Variants in CPNE8 observed in about 807,000 individuals in gnomAD.
CPNE8 encodes copine 8, also known as copine-8.
Under a neutral mutation model 81.5 loss-of-function variants are expected in CPNE8, and 45 were observed. The observed-to-expected ratio is 0.55, with a 90% CI of 0.44 to 0.71. The LOEUF is 0.71. Among genes scored for constraint, CPNE8 ranks in the 30% least tolerant of loss-of-function variants. CPNE8 has a pLI of 0.00. For missense variants in CPNE8, 594 were observed against 672.1 expected (o/e 0.88, Z 1.28); for synonymous variants, 252 against 226.3 (o/e 1.11, Z -1.02).
At chr12:38,675,310 C>A (rs1162913053) in intron 18 of CPNE8, among the ~76,000 whole-genome samples, 1 of 152,114 alleles carries the variant, frequency 6.6e-6, no homozygotes, top group African/African-American at 2.4e-5. Flanking sequence ...CTTTTCACAA[C>A]CTAATGATTT....
intron 6 of CPNE8, among the ~76,000 whole-genome samples, chr12:38,787,292 C>T (rs1399761501): frequency 2.0e-5 from 3 of 151,414 alleles, no homozygotes; most frequent in Non-Finnish European, 3.0e-5. Context: ...TAGATATCAA[C>T]CACAAGGGGA....
intron 4 of CPNE8, 112 bp downstream of exon 4, chr12:38,848,447 G>C (rs1415015053): frequency 7.1e-7 from 1 of 1,402,870 alleles, no homozygotes; most frequent in East Asian, 2.8e-5. Context: ...AATTAATCTG[G>C]TTTCCTGCCA....
intron 1 of CPNE8, among the ~76,000 whole-genome samples, chr12:38,879,060 A>G (rs1274254658): frequency 6.6e-6 from 1 of 152,224 alleles, no homozygotes; most frequent in Non-Finnish European, 1.5e-5. Context: ...ATAATCATAT[A>G]TATAATTTAA....
chr12:38,721,826 G>T (rs896953524), intron 13 of CPNE8, among the ~76,000 whole-genome samples: 1 of 152,218 alleles, frequency 6.6e-6, no homozygotes, highest in Non-Finnish European at 1.5e-5. Flanking sequence ...CAGGGAAGCT[G>T]CTTGTGGTGC....
intron 13 of CPNE8, among the ~76,000 whole-genome samples, chr12:38,705,032 G>A (rs1463199466): frequency 1.4e-5 from 2 of 148,134 alleles, no homozygotes; most frequent in African/African-American, 2.5e-5. Flanking sequence ...TCCTTACCAG[G>A]GAAAATATAA....
intron 10 of CPNE8, among the ~76,000 whole-genome samples, chr12:38,731,821 G>A (rs1220524775): frequency 2.6e-5 from 4 of 151,840 alleles, no homozygotes; most frequent in Admixed American, 6.6e-5. Flanking sequence ...TATGAAATCC[G>A]GTAACATTGG....
At chr12:38,747,136 AG>A (rs1941244036) in intron 10 of CPNE8, among the ~76,000 whole-genome samples, 1 of 152,254 alleles carries the variant, frequency 6.6e-6, no homozygotes, top group South Asian at 2.1e-4. Flanking sequence ...ATCCTGATTC[AG>A]TAATAAAACA....
At chr12:38,853,187 C>A (rs2137065904) in intron 3 of CPNE8, among the ~76,000 whole-genome samples, 1 of 152,232 alleles carries the variant, frequency 6.6e-6, no homozygotes, top group Admixed American at 6.5e-5. Context: ...AAATTTACAT[C>A]TTAGCTAATG....
intron 10 of CPNE8, among the ~76,000 whole-genome samples, chr12:38,760,506 C>T (rs1205403683): frequency 6.8e-6 from 1 of 147,904 alleles, no homozygotes; most frequent in Non-Finnish European, 1.5e-5. Flanking sequence ...CTTGTGTTCC[C>T]TTGAAAAGTA....
chr12:38,669,186 A>C (rs1255252488), intron 19 of CPNE8, among the ~76,000 whole-genome samples: 1 of 152,202 alleles, frequency 6.6e-6, no homozygotes, highest in Non-Finnish European at 1.5e-5. Flanking sequence ...TGTATCAAGT[A>C]CTTTAGGTTG....
At chr12:38,830,230 C>T (rs1030169168) in intron 5 of CPNE8, among the ~76,000 whole-genome samples, 1 of 152,042 alleles carries the variant, frequency 6.6e-6, no homozygotes, top group African/African-American at 2.4e-5. Context: ...CATTGCATGC[C>T]TATATCAAAA....
At chr12:38,781,045 T>G (rs1942042608) in intron 6 of CPNE8, among the ~76,000 whole-genome samples, 1 of 152,008 alleles carries the variant, frequency 6.6e-6, no homozygotes, top group African/African-American at 2.4e-5. Context: ...AGTTAAAGCC[T>G]TCTCATGGTC....
intron 5 of CPNE8, 38 bp from the exon 6 acceptor site, chr12:38,829,493 A>G: frequency 1.4e-6 from 2 of 1,404,966 alleles, no homozygotes; most frequent in Non-Finnish European, 2.0e-6. Flanking sequence ...ATAAGTTTCC[A>G]AACTATCTTT....
At chr12:38,827,843 G>T (rs1181057272) in intron 6 of CPNE8, among the ~76,000 whole-genome samples, 1 of 152,112 alleles carries the variant, frequency 6.6e-6, no homozygotes, top group Non-Finnish European at 1.5e-5. Flanking sequence ...GGAGGAAAGT[G>T]AGGACCGAAA....
chr12:38,715,571 G>A (rs1445317496), intron 13 of CPNE8, among the ~76,000 whole-genome samples: 2 of 152,018 alleles, frequency 1.3e-5, no homozygotes, highest in African/African-American at 2.4e-5. Flanking sequence ...TGCAGAAAAG[G>A]CATTTAATGA....
At chr12:38,871,985 A>G (rs1358107579) in intron 3 of CPNE8, among the ~76,000 whole-genome samples, 1 of 152,112 alleles carries the variant, frequency 6.6e-6, no homozygotes, top group Non-Finnish European at 1.5e-5. Context: ...AAAATACAAA[A>G]TTAGCCGGGC....
At chr12:38,787,798 A>G (rs1048576804) in intron 6 of CPNE8, among the ~76,000 whole-genome samples, 1 of 151,876 alleles carries the variant, frequency 6.6e-6, no homozygotes, top group South Asian at 2.1e-4. Context: ...AAGAATCATT[A>G]GCAGCTAACA....
intron 10 of CPNE8, among the ~76,000 whole-genome samples, chr12:38,746,218 C>G (rs1160728988): frequency 1.3e-5 from 2 of 151,756 alleles, no homozygotes; most frequent in African/African-American, 4.8e-5. Flanking sequence ...GAACATAGAT[C>G]AAAAATATTT....
chr12:38,710,278 A>AAAAAAAAAAAAAAAAAAAAAC, intron 13 of CPNE8, among the ~76,000 whole-genome samples: 1 of 148,822 alleles, frequency 6.7e-6, no homozygotes, highest in Non-Finnish European at 1.5e-5. Context: ...CAAAAAAAAA[A>AAAAAAAAAAAAAAAAAAAAAC]AAAAAAAAAA....
Sources: gnomAD v4.1 joint callset for allele counts (sites outside exome capture counted in the v4.1 genomes callset) on GRCh38, gnomAD v4.1.1 for gene constraint, MANE v1.5 for transcripts, NCBI Gene and HGNC (gene_info 2026-07-23, HGNC 2026-07-21) for gene names.